The following TAF1 variants were observed in gnomAD, a reference collection of about 807,000 sequenced individuals.
TAF1 encodes the protein transcription initiation factor TFIID subunit 1.
A neutral mutation model predicts 138.5 loss-of-function variants in TAF1; 2 were observed. The observed-to-expected ratio is 0.01, with a 90% confidence interval of 0.01 to 0.05. The LOEUF (loss-of-function observed/expected upper bound fraction) is 0.05, where lower values mean the gene tolerates loss of function less well. Ranked by LOEUF, TAF1 falls within the 10% of genes least tolerant of loss-of-function variation. TAF1 has a pLI of 1.00. For missense variants in TAF1, 709 were observed against 1,478.0 expected (o/e 0.48, Z 8.53); for synonymous variants, 437 against 503.2 (o/e 0.87, Z 1.76).
intron 32 of TAF1, among the ~76,000 whole-genome samples, chrX:71,431,104 G>A (rs1178693083): frequency 2.2e-5 from 2 of 92,722 alleles, no homozygotes; most frequent in Admixed American, 1.4e-4. Context: ...AACCTTCGCC[G>A]CCCAGGTTCA....
In TAF1 at chrX:71,375,297, A is replaced by AT. The variant is rs1212596660; in HGVS notation, c.472+13dup. The AT allele has an allele frequency of 8.3e-7, 1 of 1,206,168 alleles. No homozygotes were observed. The stretch of plus-strand genomic sequence containing the variant: ...ATTCTATTACTGGTGGTAAGTAGAG[A>AT]TTGTCTACTTTTGTCTGAGGAGCAA... On this transcript the variant is annotated intron_variant, in intron 4 of 37. Transcript: ENST00000423759.
chrX:71,368,188 T>A lies in TAF1; in HGVS notation c.352+18T>A. On this transcript the variant is annotated intron_variant, in intron 3 of 37. Coordinates refer to ENST00000423759, the MANE Select transcript of TAF1 (RefSeq NM_004606.5). The stretch of plus-strand genomic sequence containing the variant: ...CCACTCAGGTGATTCTTTGGTGTAT[T>A]GGCTTGAACATTCCAGTGCATTATC... The A allele has an allele frequency of 8.3e-7, 1 of 1,198,897 alleles. No individual in the cohort carries two copies. The highest frequency in any genetic ancestry group is 1.8e-5 in the South Asian group (1 of 56,302).
At position 71,420,518 on chromosome X, in the gene TAF1, A is replaced by G. The variant is rs1176012894; in HGVS notation, c.4385-791A>G. 5.4e-5 allele frequency: 65 copies of G among 1,203,977 alleles called. No homozygotes were observed. In the Admixed American group the frequency reaches 1.2e-3, roughly 22 times the overall value. On this transcript the variant is annotated intron_variant, in intron 28 of 37. Transcript: ENST00000423759. ...CGGCCTCCATCTTCTCCTCAATGAC[A>G]TGATCACTGGGCCAGCATTTCCTGG... is the stretch of plus-strand genomic sequence containing the variant.
chrX:71,388,135 G>C (rs1469644314), intron 15 of TAF1, 102 bp from the exon 16 acceptor site: 1 of 1,093,439 alleles, frequency 9.1e-7, no homozygotes, highest in African/African-American at 1.9e-5. Flanking sequence ...GGAGCACATC[G>C]GGAAAGATGA....
intron 13 of TAF1, among the ~76,000 whole-genome samples, chrX:71,494,376 T>C (rs2039355977): frequency 9.0e-6 from 1 of 111,105 alleles, no homozygotes; most frequent in Non-Finnish European, 1.9e-5. Flanking sequence ...TGAGCCGAGA[T>C]TGTGCCACTG....
intron 13 of TAF1, among the ~76,000 whole-genome samples, chrX:71,512,543 G>A (rs917022936): frequency 2.7e-5 from 3 of 110,839 alleles, no homozygotes; most frequent in African/African-American, 9.8e-5. Flanking sequence ...GGCCAGGCGC[G>A]GTGGCTCATG....
At chrX:71,394,771 A>G (rs1334898042) in intron 22 of TAF1, among the ~76,000 whole-genome samples, 2 of 111,648 alleles carry the variant, frequency 1.8e-5, no homozygotes, top group African/African-American at 6.5e-5. Flanking sequence ...AGCTGGGACT[A>G]TAGGTGCATG....
chrX:71,528,428 CTG>C (rs2040038235), intron 13 of TAF1: 1 of 263,627 alleles, frequency 3.8e-6, no homozygotes, highest in Non-Finnish European at 7.2e-6. Context: ...ACAACTGCAC[CTG>C]TGAGTCCACA....
Position 71,388,812 on chromosome X carries a change from T to A in TAF1, c.2644T>A (p.Ser882Thr), listed in dbSNP as rs2034391752. ...GGAAGAAGAGATCAGAGCTATGGTGTCACCAGAGCAGTGCTGTGCTTATTA... is the reference window on the plus strand; with the variant it reads ...GGAAGAAGAGATCAGAGCTATGGTGACACCAGAGCAGTGCTGTGCTTATTA... Reference protein sequence around the residue: ...PTEEEIRAMVSPEQCCAYYSM... With the variant: ...PTEEEIRAMVTPEQCCAYYSM... Residue 882 changes from serine to threonine, a missense_variant, in exon 17 of 38, where the codon TCA becomes ACA. Transcript: ENST00000423759. 1.7e-6 allele frequency: 2 copies of A among 1,210,895 alleles called. No homozygotes were observed. The highest frequency in any genetic ancestry group is 2.2e-6 in the Non-Finnish European group (2 of 894,784).
rs982909274 is a variant in TAF1, at chrX:71,490,589, T to C, written c.1366+29786T>C. 7.2e-5 allele frequency among the ~76,000 whole-genome samples: 8 copies of C among 110,610 alleles called. 1 individual carries two copies. Among genetic ancestry groups the C allele is most frequent in the African/African-American group, 1.6e-4 (5 of 30,366 alleles). On this transcript the variant is annotated intron_variant and NMD_transcript_variant, in intron 13 of 14. Coordinates refer to the TAF1 transcript ENST00000373775. ...ATTTTCTTAAAGGCAGTTGAGAAAG[T>C]CAAGAAATTGACAAATTATACTACA...
rs572579538 is a variant in TAF1, at chrX:71,476,516, G to A, written c.1366+15713G>A. On this transcript the variant is annotated intron_variant and NMD_transcript_variant, in intron 13 of 14. Transcript: ENST00000373775. ...AATTTAGCCAGGCATGGTGGTACAC[G>A]CCTGTGGTCCCAGCTACTTGAGAGG... Among the ~76,000 whole-genome samples the A allele has an allele frequency of 9.1e-5, 10 of 110,202 alleles. No individual in the cohort carries two copies. In the South Asian group the frequency reaches 2.4e-3, roughly 26 times the overall value.
intron 3 of TAF1, among the ~76,000 whole-genome samples, chrX:71,370,570 G>C (rs1184378132): frequency 9.0e-6 from 1 of 111,454 alleles, no homozygotes; most frequent in Non-Finnish European, 1.9e-5. Context: ...GGCTGGTCTC[G>C]AACTCCTGAC....
At chrX:71,383,848 G>T in intron 12 of TAF1, 114 bp from the exon 13 acceptor site, 1 of 921,621 alleles carries the variant, frequency 1.1e-6, no homozygotes, top group Non-Finnish European at 1.5e-6. Flanking sequence ...TTTTGATTAT[G>T]AAATTGGAAA....
intron 24 of TAF1, 99 bp downstream of exon 24, chrX:71,398,836 A>G: frequency 9.4e-7 from 1 of 1,066,388 alleles, no homozygotes; most frequent in Non-Finnish European, 1.2e-6. Flanking sequence ...GAATGAGGGA[A>G]GTATATTGTG....
chrX:71,405,633 G>C (rs1273408151), intron 25 of TAF1, among the ~76,000 whole-genome samples: 1 of 112,585 alleles, frequency 8.9e-6, no homozygotes, highest in East Asian at 2.8e-4. Context: ...TTACAGGCGT[G>C]AGCCACTACA....
At chrX:71,427,347 T>C (rs1012068140) in intron 32 of TAF1, among the ~76,000 whole-genome samples, 1 of 111,817 alleles carries the variant, frequency 8.9e-6, no homozygotes, top group African/African-American at 3.3e-5. Flanking sequence ...ATTATTGTTT[T>C]ATGAAAACAC....
At chrX:71,420,436 C>T in intron 28 of TAF1, 10 of 1,210,541 alleles carry the variant, frequency 8.3e-6, no homozygotes, top group Non-Finnish European at 1.1e-5. Context: ...AAGTGAGCTT[C>T]CAGCTCTTCT....
At chrX:71,372,029 G>A (rs1204474798) in intron 3 of TAF1, among the ~76,000 whole-genome samples, 1 of 111,491 alleles carries the variant, frequency 9.0e-6, no homozygotes, top group Non-Finnish European at 1.9e-5. Flanking sequence ...TCGCTCTGGG[G>A]TTTTGATTAG....
intron 13 of TAF1, among the ~76,000 whole-genome samples, chrX:71,488,103 T>C (rs1016898939): frequency 1.8e-5 from 2 of 111,541 alleles, no homozygotes; most frequent in Non-Finnish European, 3.8e-5. Flanking sequence ...GGAAGTATTC[T>C]ACCCAGTGTT....
Sources: allele counts gnomAD v4.1 joint callset (sites outside exome capture counted in the v4.1 genomes callset), GRCh38; gene constraint gnomAD v4.1.1; transcripts MANE v1.5; gene names NCBI Gene and HGNC (gene_info 2026-07-23, HGNC 2026-07-21).